The following EYS variants were observed in gnomAD, a reference collection of about 807,000 sequenced individuals.
EYS encodes the protein EGF-like photoreceptor maintenance factor.
Under a neutral mutation model 282.1 loss-of-function variants are expected in EYS, and 250 were observed. The observed-to-expected ratio is 0.89, with a 90% CI of 0.80 to 0.98. The LOEUF (loss-of-function observed/expected upper bound fraction) is 0.98. Among genes scored for constraint, EYS ranks in the 50% least tolerant of loss-of-function variants. EYS has a pLI of 0.00. For missense variants in EYS, 4,016 were observed against 3,709.0 expected, an observed-to-expected ratio of 1.08 and a Z score of -2.15; for synonymous variants, 1,355 against 1,282.9, an observed-to-expected ratio of 1.06 and a Z score of -1.20.
intron 35 of EYS, among the ~76,000 whole-genome samples, chr6:63,924,273 T>G (rs1285465493): frequency 6.6e-6 from 1 of 152,206 alleles, no homozygotes; most frequent in Non-Finnish European, 1.5e-5. Flanking sequence ...TTCAGGCTTA[T>G]AGTGAATCAA....
chr6:64,467,472 CA>C (rs1405463678), intron 26 of EYS, among the ~76,000 whole-genome samples: 8 of 152,072 alleles, frequency 5.3e-5, no homozygotes, highest in Non-Finnish European at 8.8e-5. Flanking sequence ...AGGAAGTATG[CA>C]ATATTCATCA....
intron 22 of EYS, among the ~76,000 whole-genome samples, chr6:64,630,758 G>T (rs1767752617): frequency 6.6e-6 from 1 of 152,036 alleles, no homozygotes; most frequent in Non-Finnish European, 1.5e-5. Context: ...TTCCTTCAAG[G>T]TTATGTGATG....
At chr6:64,601,840 G>GC (rs1484297167) in intron 24 of EYS, among the ~76,000 whole-genome samples, 1 of 151,668 alleles carries the variant, frequency 6.6e-6, no homozygotes, top group Non-Finnish European at 1.5e-5. Flanking sequence ...CTGTACTTTT[G>GC]CCCCCACCAT....
At chr6:64,823,862 T>C (rs1028716932) in intron 19 of EYS, among the ~76,000 whole-genome samples, 1 of 151,954 alleles carries the variant, frequency 6.6e-6, no homozygotes, top group African/African-American at 2.4e-5. Flanking sequence ...TGCTGAGTAA[T>C]ACCGTGGATA....
intron 33 of EYS, among the ~76,000 whole-genome samples, chr6:64,017,460 A>T (rs1303527209): frequency 6.6e-6 from 1 of 152,032 alleles, no homozygotes; most frequent in Non-Finnish European, 1.5e-5. Context: ...AGGTAATGTC[A>T]TATTATTCCA....
At chr6:65,545,946 T>C (rs1429355420) in intron 2 of EYS, among the ~76,000 whole-genome samples, 7 of 152,114 alleles carry the variant, frequency 4.6e-5, no homozygotes, top group Admixed American at 4.6e-4. Flanking sequence ...TTATATTATT[T>C]AGCAAACTTA....
intron 12 of EYS, among the ~76,000 whole-genome samples, chr6:65,151,743 ATT>A (rs1223118667): frequency 6.6e-6 from 1 of 151,940 alleles, no homozygotes; most frequent in Non-Finnish European, 1.5e-5. Flanking sequence ...TTAGCTATGT[ATT>A]TTCAGTCAAC....
intron 31 of EYS, among the ~76,000 whole-genome samples, chr6:64,224,385 C>T (rs1766195106): frequency 1.3e-5 from 2 of 151,940 alleles, no homozygotes; most frequent in South Asian, 4.1e-4. Context: ...GTCATTATGT[C>T]TTTTGATTGA....
At chr6:64,350,900 G>A (rs1771605968) in intron 29 of EYS, among the ~76,000 whole-genome samples, 1 of 151,394 alleles carries the variant, frequency 6.6e-6, no homozygotes, top group African/African-American at 2.4e-5. Context: ...AATGGTGAAT[G>A]AGTTCTCACG....
chr6:65,375,829 A>G (rs1765343442), intron 8 of EYS, among the ~76,000 whole-genome samples: 1 of 152,050 alleles, frequency 6.6e-6, no homozygotes, highest in South Asian at 2.1e-4. Flanking sequence ...AGATTACAAC[A>G]AACAGAATGA....
chr6:64,040,317 T>C (rs1002444557), intron 33 of EYS, among the ~76,000 whole-genome samples: 6 of 152,126 alleles, frequency 3.9e-5, no homozygotes, highest in Admixed American at 6.5e-5. Flanking sequence ...GGGGTGGTGG[T>C]GAATAGCAGG....
intron 5 of EYS, among the ~76,000 whole-genome samples, chr6:65,440,082 T>C (rs1163998270): frequency 1.3e-5 from 2 of 151,880 alleles, no homozygotes; most frequent in Middle Eastern, 3.2e-3. Flanking sequence ...AATTAAGTGA[T>C]TCAAAAAGGA....
At chr6:64,958,679 G>A (rs182696193) in intron 14 of EYS, among the ~76,000 whole-genome samples, 211 of 140,802 alleles carry the variant, frequency 1.5e-3, no homozygotes, top group Non-Finnish European at 2.8e-3. Flanking sequence ...AGCTTGCAGT[G>A]AGCGGAGATC....
At chr6:65,365,732 TG>T (rs1162849461) in intron 8 of EYS, among the ~76,000 whole-genome samples, 1 of 151,620 alleles carries the variant, frequency 6.6e-6, no homozygotes, top group African/African-American at 2.4e-5. Context: ...GAGATTTTCC[TG>T]AAAGACAAGT....
chr6:65,182,425 G>C (rs933204865), intron 12 of EYS, among the ~76,000 whole-genome samples: 3 of 151,156 alleles, frequency 2.0e-5, no homozygotes, highest in Admixed American at 6.6e-5. Flanking sequence ...AGTAAATATA[G>C]TATATTTTTC....
intron 36 of EYS, among the ~76,000 whole-genome samples, chr6:63,843,127 T>G (rs1448794429): frequency 6.6e-6 from 1 of 152,316 alleles, no homozygotes. Context: ...TAAAGTAGGT[T>G]TTTCTAATTC....
At chr6:63,755,984 C>G (rs1302514839) in intron 41 of EYS, among the ~76,000 whole-genome samples, 1 of 152,108 alleles carries the variant, frequency 6.6e-6, no homozygotes, top group Non-Finnish European at 1.5e-5. Context: ...GATCTTGTAT[C>G]CTGAGACTTT....
rs114753189 is a variant in EYS, at chr6:64,735,818, C to A, written c.3443+77560G>T. Among the ~76,000 whole-genome samples the A allele has an allele frequency of 5.3e-3, 811 of 151,866 alleles. 12 individuals are homozygous for A. Among genetic ancestry groups the A allele is most frequent in the African/African-American group, 0.018 (763 of 41,468 alleles). On this transcript the variant is annotated intron_variant, in intron 22 of 42. Transcript: ENST00000503581. ...TTTACTAATGTGTATAATATAATAACCAATAGATACAAATTCCTATTTCAT... is the reference window on the plus strand; with the variant it reads ...TTTACTAATGTGTATAATATAATAAACAATAGATACAAATTCCTATTTCAT...
intron 13 of EYS, among the ~76,000 whole-genome samples, chr6:65,008,201 G>A (rs747728409): frequency 5.9e-5 from 9 of 152,126 alleles, no homozygotes; most frequent in Non-Finnish European, 1.0e-4. Flanking sequence ...ACTATAACAC[G>A]GGGAAAGGAA....
Sources: gnomAD v4.1 joint callset for allele counts (sites outside exome capture counted in the v4.1 genomes callset) on GRCh38, gnomAD v4.1.1 for gene constraint, MANE v1.5 for transcripts, NCBI Gene and HGNC (gene_info 2026-07-23, HGNC 2026-07-21) for gene names.